The following SGK1 variants were observed in gnomAD, a reference collection of about 807,000 sequenced individuals.
The protein encoded by SGK1 is serum/glucocorticoid regulated kinase 1, also known as serine/threonine-protein kinase Sgk1.
Under a neutral mutation model 64.2 loss-of-function variants are expected in SGK1, and 26 were observed. That is an observed-to-expected ratio of 0.40 (90% CI 0.30 to 0.56). The LOEUF (loss-of-function observed/expected upper bound fraction) is 0.56. SGK1 is among the 20% of genes least tolerant of loss of function. SGK1 has a pLI of 0.38. For synonymous variants in SGK1, 265 were observed against 239.7 expected, an observed-to-expected ratio of 1.11 and a Z score of -0.98; for missense variants, 519 against 645.6, an observed-to-expected ratio of 0.80 and a Z score of 2.12.
intron 2 of SGK1, among the ~76,000 whole-genome samples, chr6:134,216,597 T>C (rs1775989935): frequency 6.6e-6 from 1 of 152,216 alleles, no homozygotes; most frequent in South Asian, 2.1e-4. Flanking sequence ...ACTACCCTAG[T>C]TGCTAACTCA....
chr6:134,190,010 C>G (rs139061462), intron 3 of SGK1, among the ~76,000 whole-genome samples: 1 of 151,660 alleles, frequency 6.6e-6, no homozygotes, highest in Non-Finnish European at 1.5e-5. Flanking sequence ...CCACCATGCC[C>G]GGCTAATTTT....
intron 2 of SGK1, among the ~76,000 whole-genome samples, chr6:134,235,223 A>G (rs1776343900): frequency 6.6e-6 from 1 of 152,204 alleles, no homozygotes; most frequent in Non-Finnish European, 1.5e-5. Flanking sequence ...AAAGCCATGA[A>G]TAATAAGATA....
At chr6:134,290,976 T>C (rs1182900141) in intron 1 of SGK1, among the ~76,000 whole-genome samples, 1 of 151,946 alleles carries the variant, frequency 6.6e-6, no homozygotes, top group African/African-American at 2.4e-5. Flanking sequence ...GAGAGGCAGG[T>C]AGGGAAGAAG....
chr6:134,309,897 TA>T (rs1026788160), intron 1 of SGK1, among the ~76,000 whole-genome samples: 7 of 151,782 alleles, frequency 4.6e-5, no homozygotes, highest in East Asian at 3.9e-4. Context: ...AACTAGTATG[TA>T]AAAAAAAATC....
At chr6:134,239,583 T>A (rs932758496) in intron 2 of SGK1, among the ~76,000 whole-genome samples, 1 of 152,140 alleles carries the variant, frequency 6.6e-6, no homozygotes, top group Non-Finnish European at 1.5e-5. Flanking sequence ...CCCATCAGCT[T>A]GTGATTTTAC....
chr6:134,201,063 T>C (rs1482033634), intron 3 of SGK1, among the ~76,000 whole-genome samples: 1 of 112,710 alleles, frequency 8.9e-6, no homozygotes, highest in African/African-American at 2.6e-5. Flanking sequence ...TTTTCTTTTC[T>C]TCTTTTTTTT....
chr6:134,209,890 T>G (rs1775859072), intron 2 of SGK1, among the ~76,000 whole-genome samples: 1 of 152,220 alleles, frequency 6.6e-6, no homozygotes, highest in Admixed American at 6.5e-5. Flanking sequence ...TTGGTCAGAC[T>G]GGTCTTGAAC....
Position 134,174,055 on chromosome 6 carries a change from TCTTCAA to T in SGK1, c.457_462del (p.Leu153_Lys154del). The T allele has an allele frequency of 1.2e-6, 2 of 1,613,350 alleles. No homozygotes were observed. Among genetic ancestry groups the T allele is most frequent in the Non-Finnish European group, 1.7e-6 (2 of 1,179,778 alleles). On this transcript the variant is annotated inframe_deletion, in exon 5 of 14. Coordinates refer to ENST00000367858, the MANE Select transcript of SGK1 (RefSeq NM_001143676.3). ...AGCTCAGGCTCCTGAGGTTGGGAGATCTTCAAGATGGACTGAACTTCAGGGCTGCAG... is the reference window on the plus strand; with the variant it reads ...AGCTCAGGCTCCTGAGGTTGGGAGATGATGGACTGAACTTCAGGGCTGCAG...
chr6:134,190,475 A>G (rs7744920), intron 3 of SGK1, among the ~76,000 whole-genome samples: 106,690 of 151,768 alleles, frequency 0.7, 38,465 homozygotes, highest in African/African-American at 0.86. Context: ...TAGTAGAGAC[A>G]GGGTTTCGCC....
Position 134,171,787 on chromosome 6 carries a change from A to T in SGK1, c.1072-55T>A. ...AGAACCTGCGAAAGCAAGCAATCCC[A>T]CGACCACACATTTAGTTTGAAAAAG... On this transcript the variant is annotated intron_variant, in intron 10 of 13. Coordinates refer to ENST00000367858, the MANE Select transcript of SGK1 (RefSeq NM_001143676.3). 3 of 1,133,266 alleles carry T rather than the reference A, an allele frequency of 2.6e-6. No individual in the cohort carries two copies. In the Admixed American group the frequency reaches 5.7e-5, roughly 21 times the overall value. 70.2% of individuals were successfully genotyped at this position (1,133,266 alleles called of 1,614,324 possible).
At chr6:134,302,546 C>G (rs933916930) in intron 1 of SGK1, among the ~76,000 whole-genome samples, 2 of 151,986 alleles carry the variant, frequency 1.3e-5, no homozygotes, top group African/African-American at 2.4e-5. Context: ...GTCTTCAGAC[C>G]GACTCATCAG....
Position 134,307,244 on chromosome 6 carries a change from C to A in SGK1, c.69+10148G>T, listed in dbSNP as rs145146522. On this transcript the variant is annotated intron_variant, in intron 1 of 13. Transcript: ENST00000367858. Reference sequence around the variant, plus strand: ...CGTAGAGAAGGTGTGGGCCCTTTTACGTAAAAGCTGACTAATAGACAAATA... The same window carrying A: ...CGTAGAGAAGGTGTGGGCCCTTTTAAGTAAAAGCTGACTAATAGACAAATA... Among the ~76,000 whole-genome samples the A allele has an allele frequency of 5.9e-5, 9 of 152,304 alleles. No homozygotes were observed. In the East Asian group the frequency reaches 1.7e-3, roughly 29 times the overall value.
In SGK1 at chr6:134,174,100, C is replaced by G; in HGVS notation, c.438-20G>C. The G allele has an allele frequency of 6.3e-7, 1 of 1,596,842 alleles. No homozygotes were observed. The highest frequency in any genetic ancestry group is 8.6e-7 in the Non-Finnish European group (1 of 1,168,266). On this transcript the variant is annotated intron_variant, in intron 4 of 13. Coordinates refer to ENST00000367858, the MANE Select transcript of SGK1 (RefSeq NM_001143676.3). ...TCAGGGCTGCAGGGAATAAAGGGCA[C>G]GATTTAGAATCCAGCTCGCCACTAG...
At chr6:134,217,253 T>C (rs1472761931) in intron 2 of SGK1, among the ~76,000 whole-genome samples, 1 of 152,108 alleles carries the variant, frequency 6.6e-6, no homozygotes, top group Non-Finnish European at 1.5e-5. Context: ...CCAAAACATT[T>C]CATGGCTTTG....
intron 1 of SGK1, among the ~76,000 whole-genome samples, chr6:134,276,973 C>T (rs1487445493): frequency 6.6e-6 from 1 of 152,046 alleles, no homozygotes; most frequent in African/African-American, 2.4e-5. Context: ...GTGCTTGAGC[C>T]CAGGAGGTTG....
At chr6:134,203,428 G>C (rs1212053382) in intron 3 of SGK1, among the ~76,000 whole-genome samples, 1 of 152,022 alleles carries the variant, frequency 6.6e-6, no homozygotes, top group Non-Finnish European at 1.5e-5. Context: ...GGGACATATA[G>C]AAAACAAATA....
chr6:134,317,465 C>T lies in SGK1; in HGVS notation c.-5G>A. 6.3e-7 allele frequency: 1 copy of T among 1,599,802 alleles called. No homozygotes were observed. Among genetic ancestry groups the T allele is most frequent in the Non-Finnish European group, 8.6e-7 (1 of 1,166,948 alleles). On this transcript the variant is annotated 5_prime_UTR_variant, in exon 1 of 14. Coordinates refer to ENST00000367858, the MANE Select transcript of SGK1 (RefSeq NM_001143676.3). Reference sequence around the variant, plus strand: ...ATTCATGTCTTTGTTTACCATTTTCCACCGTGGGGAATTCACAGTTATAGA... The same window carrying T: ...ATTCATGTCTTTGTTTACCATTTTCTACCGTGGGGAATTCACAGTTATAGA...
At chr6:134,251,260 C>T (rs954895729) in intron 2 of SGK1, among the ~76,000 whole-genome samples, 1 of 152,078 alleles carries the variant, frequency 6.6e-6, no homozygotes, top group African/African-American at 2.4e-5. Flanking sequence ...TGCAGTTAAA[C>T]TTTGCTTATC....
At chr6:134,216,527 CTG>C (rs1194876931) in intron 2 of SGK1, among the ~76,000 whole-genome samples, 1 of 152,192 alleles carries the variant, frequency 6.6e-6, no homozygotes, top group African/African-American at 2.4e-5. Context: ...CTTCCATTGA[CTG>C]TCTTAGATGG....
Sources: gnomAD v4.1 joint callset for allele counts (sites outside exome capture counted in the v4.1 genomes callset) on GRCh38, gnomAD v4.1.1 for gene constraint, MANE v1.5 for transcripts, NCBI Gene and HGNC (gene_info 2026-07-23, HGNC 2026-07-21) for gene names.